Variants in SPICE1 observed in about 807,000 individuals in gnomAD.
SPICE1 encodes spindle and centriole-associated protein 1.
SPICE1 carries 75 observed loss-of-function variants against 102.7 expected under a neutral mutation model. That is an observed-to-expected ratio of 0.73 (90% CI 0.61 to 0.88). The LOEUF is 0.88. Among genes scored for constraint, SPICE1 ranks in the 40% least tolerant of loss-of-function variants. The pLI is 0.00. For missense variants in SPICE1, 979 were observed against 1,020.1 expected, an observed-to-expected ratio of 0.96 and a Z score of 0.55; for synonymous variants, 308 against 350.3, an observed-to-expected ratio of 0.88 and a Z score of 1.35.
chr3:113,465,557 A>T, intron 11 of SPICE1, 96 bp downstream of exon 11: 2 of 1,058,062 alleles, frequency 1.9e-6, no homozygotes, highest in Non-Finnish European at 2.7e-6. Flanking sequence ...TCACATCGAT[A>T]CAGTTAAACC....
intron 7 of SPICE1, among the ~76,000 whole-genome samples, chr3:113,471,120 T>C (rs138518381): frequency 6.6e-6 from 1 of 151,946 alleles, no homozygotes; most frequent in African/African-American, 2.4e-5. Flanking sequence ...TGGGGCCCAC[T>C]GGAAGGACCA....
chr3:113,460,816 C>G (rs1935916684), intron 11 of SPICE1, 52 bp from the exon 12 acceptor site: 1 of 1,516,768 alleles, frequency 6.6e-7, no homozygotes, highest in African/African-American at 1.4e-5. Context: ...AACATCAAAC[C>G]ACCACCTAGA....
chr3:113,470,377 T>C (rs79633579), intron 7 of SPICE1, among the ~76,000 whole-genome samples: 2,123 of 152,332 alleles, frequency 0.014, 41 homozygotes, highest in African/African-American at 0.04. Context: ...ATGTGATTCA[T>C]GGATCCTCCA....
intron 10 of SPICE1, among the ~76,000 whole-genome samples, chr3:113,467,334 C>T (rs1021691235): frequency 6.6e-6 from 1 of 152,170 alleles, no homozygotes; most frequent in South Asian, 2.1e-4. Context: ...CTCTGCCGCC[C>T]AGGCTGGAGT....
intron 2 of SPICE1, among the ~76,000 whole-genome samples, chr3:113,503,866 G>C (rs1289670529): frequency 6.6e-6 from 1 of 150,834 alleles, no homozygotes; most frequent in Non-Finnish European, 1.5e-5. Flanking sequence ...CTAGGAGGTG[G>C]AGTCTGCAGT....
chr3:113,460,582 CTAA>C, intron 12 of SPICE1, 32 bp downstream of exon 12: 1 of 1,574,098 alleles, frequency 6.4e-7, no homozygotes, highest in Middle Eastern at 1.7e-4. Context: ...ATTAAGTAGT[CTAA>C]TGACAGTCTG....
Position 113,453,871 on chromosome 3 carries a change from C to T in SPICE1, c.1737G>A (p.Trp579Ter). 2 of 1,614,150 alleles carry T rather than the reference C, an allele frequency of 1.2e-6. No homozygotes were observed. The highest frequency in any genetic ancestry group is 1.7e-6 in the Non-Finnish European group (2 of 1,180,020). Residue 579 changes from tryptophan (W) to a stop codon, truncating the protein, a stop_gained, in exon 14 of 18, where the codon TGG (tryptophan) becomes TGA (stop). Transcript: ENST00000295872. LOFTEE classifies it high-confidence loss of function. ...TVEIIEKEQN[W>*]EEKTLPIDTD... ...TATCAATAGGTAAGGTCTTCTCTTC[C>T]CAATTTTGTTCCTTCTCAATTATTT...
At chr3:113,494,579 G>C (rs1324148325) in intron 4 of SPICE1, among the ~76,000 whole-genome samples, 2 of 151,128 alleles carry the variant, frequency 1.3e-5, no homozygotes, top group African/African-American at 2.4e-5. Context: ...CCCGGGAGGC[G>C]GAGCTTGCAG....
At chr3:113,458,971 T>C (rs1935857398) in intron 12 of SPICE1, among the ~76,000 whole-genome samples, 1 of 152,220 alleles carries the variant, frequency 6.6e-6, no homozygotes, top group Admixed American at 6.5e-5. Flanking sequence ...TTTTGTCGAA[T>C]AGAAAAGGGG....
intron 10 of SPICE1, among the ~76,000 whole-genome samples, chr3:113,467,131 T>C (rs921893992): frequency 2.0e-5 from 3 of 152,226 alleles, no homozygotes; most frequent in South Asian, 4.1e-4. Context: ...ATCTATCTTA[T>C]TAAATAATAA....
At chr3:113,489,519 C>T (rs1936720137) in intron 6 of SPICE1, among the ~76,000 whole-genome samples, 1 of 152,144 alleles carries the variant, frequency 6.6e-6, no homozygotes, top group Non-Finnish European at 1.5e-5. Context: ...TCTTTGCCTT[C>T]CCTTACTTCT....
chr3:113,458,092 T>G lies in SPICE1; in HGVS notation c.1436-735A>C, dbSNP rs1397235929. Among the ~76,000 whole-genome samples the G allele has an allele frequency of 2.0e-5, 3 of 152,214 alleles. No individual in the cohort carries two copies. In the South Asian group the frequency reaches 6.2e-4, roughly 32 times the overall value. On this transcript the variant is annotated intron_variant, in intron 12 of 17. Transcript: ENST00000295872. ...ACTCAGGAAGATATTACATAAATCT[T>G]TGGTCTCACCAACATAAATCTTTCT...
intron 2 of SPICE1, among the ~76,000 whole-genome samples, chr3:113,504,048 C>T (rs1937061153): frequency 6.6e-6 from 1 of 151,390 alleles, no homozygotes; most frequent in South Asian, 2.1e-4. Context: ...GAGGGCAATG[C>T]ATAATTTCAT....
In SPICE1 at chr3:113,486,547, T is replaced by G. The variant is rs375695853; in HGVS notation, c.611+2398A>C. ...GAATGGTCAAATAAACTACAGTACATTCACACAATTTAGTACTATCCAACT... is the reference window on the plus strand; with the variant it reads ...GAATGGTCAAATAAACTACAGTACAGTCACACAATTTAGTACTATCCAACT... On this transcript the variant is annotated intron_variant, in intron 7 of 17. Coordinates refer to ENST00000295872, the MANE Select transcript of SPICE1 (RefSeq NM_144718.4). 1.3e-4 allele frequency among the ~76,000 whole-genome samples: 20 copies of G among 151,638 alleles called. No individual in the cohort carries two copies. The East Asian group carries it at 3.1e-3, about 23-fold the overall frequency.
intron 1 of SPICE1, among the ~76,000 whole-genome samples, chr3:113,508,974 G>C (rs1937165368): frequency 6.6e-6 from 1 of 152,154 alleles, no homozygotes; most frequent in South Asian, 2.1e-4. Context: ...AATCTTGAAA[G>C]GGTTCTAAAC....
chr3:113,463,442 T>C (rs1274785495), intron 11 of SPICE1, among the ~76,000 whole-genome samples: 2 of 152,188 alleles, frequency 1.3e-5, no homozygotes, highest in Admixed American at 6.5e-5. Context: ...ATTAAACATA[T>C]GTTCTGCAAA....
At chr3:113,493,433 G>A in intron 5 of SPICE1, 121 bp from the exon 6 acceptor site, 2 of 747,308 alleles carry the variant, frequency 2.7e-6, no homozygotes, top group Admixed American at 4.3e-5. Flanking sequence ...TCACATTAAT[G>A]TAGTGCTTAC....
chr3:113,452,079 T>C (rs113905514), intron 14 of SPICE1, among the ~76,000 whole-genome samples: 1,863 of 152,236 alleles, frequency 0.012, 30 homozygotes, highest in African/African-American at 0.042. Context: ...GGAACCAGCA[T>C]TTGGAGCTCT....
intron 7 of SPICE1, among the ~76,000 whole-genome samples, chr3:113,478,889 AAT>A (rs1207500674): frequency 1.3e-5 from 2 of 152,300 alleles, no homozygotes; most frequent in African/African-American, 4.8e-5. Context: ...AAATATTACA[AAT>A]CACACTCTGA....
Sources: gnomAD v4.1 joint callset for allele counts (sites outside exome capture counted in the v4.1 genomes callset) on GRCh38, gnomAD v4.1.1 for gene constraint, MANE v1.5 for transcripts, NCBI Gene and HGNC (gene_info 2026-07-23, HGNC 2026-07-21) for gene names.